The following TMEM232 variants were observed in gnomAD, a reference collection of about 807,000 sequenced individuals.
The protein encoded by TMEM232 is transmembrane protein 232.
Under a neutral mutation model 78.8 loss-of-function variants are expected in TMEM232, and 80 were observed. The observed-to-expected ratio is 1.01, with a 90% confidence interval of 0.85 to 1.22. The LOEUF (loss-of-function observed/expected upper bound fraction) is 1.22, where lower values mean the gene tolerates loss of function less well. Ranked by LOEUF, TMEM232 falls within the 50% of genes most tolerant of loss-of-function variation. The probability of loss-of-function intolerance (pLI) is 0.00; values close to 1 mark genes in which losing one functional copy is unlikely to be tolerated. For missense variants in TMEM232, 881 were observed against 742.2 expected (o/e 1.19, Z -2.17); for synonymous variants, 297 against 254.3 (o/e 1.17, Z -1.60).
intron 12 of TMEM232, among the ~76,000 whole-genome samples, chr5:110,504,485 T>C (rs34418516): frequency 0.082 from 12,477 of 152,242 alleles, 643 homozygotes; most frequent in Non-Finnish European, 0.12. Context: ...AACATGTATA[T>C]ACATAGAGAG....
At chr5:110,631,290 G>T (rs1203169810) in intron 5 of TMEM232, among the ~76,000 whole-genome samples, 2 of 152,190 alleles carry the variant, frequency 1.3e-5, no homozygotes, top group Non-Finnish European at 2.9e-5. Context: ...AGAGCTTCCT[G>T]TCTGAGGCTA....
At chr5:110,624,932 T>C (rs1312791351) in intron 7 of TMEM232, among the ~76,000 whole-genome samples, 2 of 152,062 alleles carry the variant, frequency 1.3e-5, no homozygotes, top group East Asian at 1.9e-4. Context: ...AACTGTAAAA[T>C]AATAAATAAG....
intron 12 of TMEM232, among the ~76,000 whole-genome samples, chr5:110,509,000 A>ATATATATG (rs980751360): frequency 2.9e-5 from 3 of 104,562 alleles, no homozygotes; most frequent in African/African-American, 2.1e-4. Flanking sequence ...GTATATATGT[A>ATATATATG]TATATATATG....
intron 12 of TMEM232, among the ~76,000 whole-genome samples, chr5:110,509,515 G>T (rs1195683047): frequency 1.3e-5 from 2 of 152,070 alleles, no homozygotes; most frequent in African/African-American, 4.8e-5. Flanking sequence ...ATTAAATTTT[G>T]CTTCTAAGTA....
At chr5:110,407,308 T>C (rs1755829105) in intron 2 of TMEM232, among the ~76,000 whole-genome samples, 3 of 151,940 alleles carry the variant, frequency 2.0e-5, no homozygotes, top group Admixed American at 1.3e-4. Flanking sequence ...AACCCACATA[T>C]GTAGACTAAA....
chr5:110,420,845 A>G, intron 13 of TMEM232, 89 bp from the exon 14 acceptor site: 1 of 1,437,274 alleles, frequency 7.0e-7, no homozygotes, highest in Non-Finnish European at 9.0e-7. Context: ...TCTTATATCC[A>G]ATTATCCTTT....
intron 10 of TMEM232, among the ~76,000 whole-genome samples, chr5:110,569,043 A>G (rs1393331061): frequency 6.6e-6 from 1 of 151,934 alleles, no homozygotes; most frequent in Non-Finnish European, 1.5e-5. Flanking sequence ...AAAGTCAAAC[A>G]TTATGAAACA....
upstream of TMEM232, among the ~76,000 whole-genome samples, chr5:110,731,322 G>C (rs1798659189): frequency 6.6e-6 from 1 of 152,158 alleles, no homozygotes; most frequent in South Asian, 2.1e-4. Flanking sequence ...TAACATTCTG[G>C]GGTCTGGAGG....
intron 10 of TMEM232, among the ~76,000 whole-genome samples, chr5:110,575,515 G>A (rs1014413637): frequency 1.3e-5 from 2 of 151,930 alleles, no homozygotes; most frequent in African/African-American, 4.8e-5. Flanking sequence ...AATAATTATT[G>A]TGGCCAAGAT....
At chr5:110,595,873 C>A (rs1331187524) in intron 10 of TMEM232, among the ~76,000 whole-genome samples, 1 of 152,122 alleles carries the variant, frequency 6.6e-6, no homozygotes, top group East Asian at 1.9e-4. Flanking sequence ...TCCGGAAGAA[C>A]TTCCCCAACC....
intron 1 of TMEM232, among the ~76,000 whole-genome samples, chr5:110,674,412 C>A (rs187927031): frequency 1.5e-4 from 23 of 152,196 alleles, no homozygotes; most frequent in Non-Finnish European, 2.9e-4. Context: ...CGAAGTTATT[C>A]CAAAGAAATA....
At chr5:110,686,919 T>A (rs1285836385) in intron 1 of TMEM232, among the ~76,000 whole-genome samples, 1 of 152,182 alleles carries the variant, frequency 6.6e-6, no homozygotes, top group African/African-American at 2.4e-5. Flanking sequence ...TTCAGGTTGT[T>A]CACAGGCTCA....
At chr5:110,495,649 T>C (rs1268890817) in intron 12 of TMEM232, among the ~76,000 whole-genome samples, 2 of 151,836 alleles carry the variant, frequency 1.3e-5, no homozygotes, top group Non-Finnish European at 2.9e-5. Context: ...CACATATTAG[T>C]ATAACAATAA....
chr5:110,391,316 T>TGAGAGA (rs1755176324), intron 3 of TMEM232, among the ~76,000 whole-genome samples: 1 of 137,272 alleles, frequency 7.3e-6, no homozygotes, highest in African/African-American at 3.2e-5. Flanking sequence ...TGTGTGTGTG[T>TGAGAGA]GTGTGTGTGT....
chr5:110,662,040 T>C (rs1789875386), intron 2 of TMEM232, among the ~76,000 whole-genome samples: 1 of 152,170 alleles, frequency 6.6e-6, no homozygotes, highest in African/African-American at 2.4e-5. Context: ...TATATTCTGG[T>C]TAATAGTCCC....
rs139813507 is a variant in TMEM232 at position 110,681,138 on chromosome 5, T to C, written c.-12-13774A>G. Among the ~76,000 whole-genome samples the C allele has an allele frequency of 5.7e-3, 870 of 152,066 alleles. 10 individuals carry two copies. Among genetic ancestry groups the C allele is most frequent in the African/African-American group, 0.02 (821 of 41,484 alleles). On this transcript the variant is annotated intron_variant, in intron 1 of 13. Transcript: ENST00000455884. ...TGCAGTTCATAAAAGCCAGGGGAGGTAGTTCTTCATGGGCTCACTGGTTGA... is the reference window on the plus strand; with the variant it reads ...TGCAGTTCATAAAAGCCAGGGGAGGCAGTTCTTCATGGGCTCACTGGTTGA...
At chr5:110,405,293 G>A (rs563528687) in intron 2 of TMEM232, among the ~76,000 whole-genome samples, 1 of 152,012 alleles carries the variant, frequency 6.6e-6, no homozygotes, top group Non-Finnish European at 1.5e-5. Flanking sequence ...TCAAACAGGG[G>A]CAGTGGCTTG....
intron 1 of TMEM232, among the ~76,000 whole-genome samples, chr5:110,679,935 A>C (rs1792504779): frequency 6.6e-6 from 1 of 152,118 alleles, no homozygotes; most frequent in Non-Finnish European, 1.5e-5. Context: ...GACAATTTAG[A>C]AGTTTTAAAA....
chr5:110,694,810 T>G (rs112746741), intron 1 of TMEM232, among the ~76,000 whole-genome samples: 77 of 152,196 alleles, frequency 5.1e-4, no homozygotes, highest in South Asian at 8.3e-4. Flanking sequence ...AGCAAGTCCT[T>G]AGTGACCTAC....
Sources: gnomAD v4.1 joint callset for allele counts (sites outside exome capture counted in the v4.1 genomes callset) on GRCh38, gnomAD v4.1.1 for gene constraint, MANE v1.5 for transcripts, NCBI Gene and HGNC (gene_info 2026-07-23, HGNC 2026-07-21) for gene names.